RFTN2: variants seen among roughly 807,000 people sequenced by gnomAD.
RFTN2 encodes raftlin-2.
A neutral mutation model predicts 52.7 loss-of-function variants in RFTN2; 34 were observed. That is an observed-to-expected ratio of 0.64 (90% CI 0.49 to 0.86). RFTN2 has a LOEUF of 0.86. Ranked by LOEUF, RFTN2 falls within the 40% of genes least tolerant of loss-of-function variation. The pLI, the probability that RFTN2 is intolerant of heterozygous loss-of-function variation, is 0.00. For synonymous variants in RFTN2, 203 were observed against 217.7 expected (o/e 0.93, Z 0.59); for missense variants, 536 against 600.1 (o/e 0.89, Z 1.12).
At chr2:197,635,294 T>A (rs1220489743) in intron 3 of RFTN2, among the ~76,000 whole-genome samples, 1 of 148,562 alleles carries the variant, frequency 6.7e-6, no homozygotes, top group Admixed American at 6.6e-5. Flanking sequence ...TAGTTCTAGA[T>A]CCCTGAGGAG....
At chr2:197,622,737 G>A (rs1046622964) in intron 5 of RFTN2, among the ~76,000 whole-genome samples, 1 of 152,188 alleles carries the variant, frequency 6.6e-6, no homozygotes, top group Non-Finnish European at 1.5e-5. Context: ...TCTCTTGTTA[G>A]GGACTAATGC....
chr2:197,600,316 A>C (rs1054126434), intron 7 of RFTN2, among the ~76,000 whole-genome samples: 1 of 152,168 alleles, frequency 6.6e-6, no homozygotes, highest in Non-Finnish European at 1.5e-5. Flanking sequence ...CAGATGCTCA[A>C]ATAAGACTTT....
rs149774158 is a variant in RFTN2, at chr2:197,571,584, G to GA, written c.*423dup. 4.2e-4 allele frequency: 54 copies of GA among 129,210 alleles called. No homozygotes were observed. Among genetic ancestry groups the GA allele is most frequent in the East Asian group, 1.3e-3 (7 of 5,250 alleles). The allele number at this position is 129,210 out of a possible 1,614,324, so 8.0% of individuals were successfully genotyped here. A position where few individuals can be genotyped will look rare whatever the true frequency, so the allele number is the denominator to read the frequency against. ...GCTGTGTGTGTGTATGAGAGAGAGA[G>GA]AAAAAAAAAGAGAGAGAGAGGTTAT... On this transcript the variant is annotated 3_prime_UTR_variant, in exon 9 of 9. Coordinates refer to ENST00000295049, the MANE Select transcript of RFTN2 (RefSeq NM_144629.3).
intron 1 of RFTN2, among the ~76,000 whole-genome samples, chr2:197,663,760 C>CT (rs905236791): frequency 1.1e-4 from 17 of 151,846 alleles, no homozygotes; most frequent in African/African-American, 2.4e-4. Flanking sequence ...GAAGAAGCTG[C>CT]TTTTTTTATT....
Position 197,646,553 on chromosome 2 carries a change from G to A in RFTN2, c.253C>T (p.Pro85Ser), listed in dbSNP as rs756531586. Residue 85 changes from proline (P) to serine (S), a missense_variant, in exon 2 of 9, where the codon CCT (proline) becomes TCT (serine). Pro to Ser is a moderately conservative substitution (Grantham distance 74). Coordinates refer to ENST00000295049, the MANE Select transcript of RFTN2 (RefSeq NM_144629.3). ...IVGAIHPVIQ[P>S]VGQRKHLPAS... Reference sequence around the variant, plus strand: ...GGTAGGTGTTTTCGCTGCCCCACAGGTTGTATAACAGGATGAATAGCCCCG... The same window carrying A: ...GGTAGGTGTTTTCGCTGCCCCACAGATTGTATAACAGGATGAATAGCCCCG... The A allele has an allele frequency of 1.9e-6, 3 of 1,613,778 alleles. No individual in the cohort carries two copies. The African/African-American group carries it at 4.0e-5, about 22-fold the overall frequency.
intron 1 of RFTN2, among the ~76,000 whole-genome samples, chr2:197,651,456 TA>T (rs2088825798): frequency 6.6e-6 from 1 of 151,984 alleles, no homozygotes; most frequent in South Asian, 2.1e-4. Flanking sequence ...CTTTCTCTAC[TA>T]AAAATACAAA....
chr2:197,607,875 T>C (rs2087987428), intron 7 of RFTN2, among the ~76,000 whole-genome samples: 1 of 152,170 alleles, frequency 6.6e-6, no homozygotes, highest in Non-Finnish European at 1.5e-5. Flanking sequence ...TTAACATTTA[T>C]GTTCAGATGA....
At chr2:197,603,495 G>T (rs1194338500) in intron 7 of RFTN2, among the ~76,000 whole-genome samples, 1 of 152,122 alleles carries the variant, frequency 6.6e-6, no homozygotes, top group African/African-American at 2.4e-5. Context: ...TTTAAATTTT[G>T]TATAGAGATG....
intron 2 of RFTN2, 102 bp downstream of exon 2, chr2:197,646,381 C>G (rs1183183820): frequency 2.8e-5 from 24 of 856,250 alleles, no homozygotes; most frequent in Non-Finnish European, 4.2e-5. Context: ...ACTAAAACCC[C>G]CATGTGTCCT....
chr2:197,672,490 C>A (rs1386719350), intron 1 of RFTN2, among the ~76,000 whole-genome samples: 1 of 152,124 alleles, frequency 6.6e-6, no homozygotes, highest in African/African-American at 2.4e-5. Context: ...CAAAAAGCAT[C>A]CTGCAGGAGC....
At position 197,644,145 on chromosome 2, in the gene RFTN2, A is replaced by T; in HGVS notation, c.438+13T>A. 1 of 1,431,972 alleles carries T rather than the reference A, an allele frequency of 7.0e-7. No homozygotes were observed. The highest frequency in any genetic ancestry group is 9.9e-7 in the Non-Finnish European group (1 of 1,014,038). 88.7% of individuals were successfully genotyped at this position (1,431,972 alleles called of 1,614,324 possible). On this transcript the variant is annotated intron_variant, in intron 3 of 8. Transcript: ENST00000295049. Reference sequence around the variant, plus strand: ...TTGTCAATATCCCATGAAAAAGTGCATAAATTTAGTACCTTTTCTATCAGT... The same window carrying T: ...TTGTCAATATCCCATGAAAAAGTGCTTAAATTTAGTACCTTTTCTATCAGT...
At chr2:197,632,366 G>A (rs1277507468) in intron 4 of RFTN2, among the ~76,000 whole-genome samples, 4 of 152,198 alleles carry the variant, frequency 2.6e-5, no homozygotes, top group East Asian at 1.9e-4. Flanking sequence ...TCTAATAACA[G>A]TGAGTTAGTT....
rs113945553 is a variant in RFTN2, at chr2:197,613,330, A to G, written c.1154+2546T>C. On this transcript the variant is annotated intron_variant, in intron 7 of 8. Transcript: ENST00000295049. The stretch of plus-strand genomic sequence containing the variant: ...ATCTTAGTCATAGTGATAATCCACT[A>G]AAGTTGATATTATTGTCCAATTTTT... Among the ~76,000 whole-genome samples, 38 of 152,342 alleles carry G rather than the reference A, an allele frequency of 2.5e-4. 2 individuals are homozygous for G. The highest frequency in any genetic ancestry group is 8.7e-4 in the African/African-American group (36 of 41,582).
chr2:197,601,076 A>C (rs562337942), intron 7 of RFTN2, among the ~76,000 whole-genome samples: 1 of 152,224 alleles, frequency 6.6e-6, no homozygotes, highest in East Asian at 1.9e-4. Context: ...CAGGTCAGCC[A>C]GGGCAGGCTG....
chr2:197,573,739 G>A (rs765582015), intron 8 of RFTN2, among the ~76,000 whole-genome samples: 1 of 152,226 alleles, frequency 6.6e-6, no homozygotes, highest in Non-Finnish European at 1.5e-5. Flanking sequence ...GGAGGCCTAG[G>A]AGGAAAAAAT....
In RFTN2 at chr2:197,617,936, G is replaced by T. The variant is rs1323784581; in HGVS notation, c.929-15C>A. ...CAAATGTTCCCCTGTGAGGAAGAGG[G>T]TACAATTAAGAAGGGTTGTAAATAC... On this transcript the variant is annotated splice_polypyrimidine_tract_variant and intron_variant, in intron 5 of 8. Coordinates refer to ENST00000295049, the MANE Select transcript of RFTN2 (RefSeq NM_144629.3). The T allele has an allele frequency of 1.3e-6, 2 of 1,585,136 alleles. No homozygotes were observed. The highest frequency in any genetic ancestry group is 1.7e-6 in the Non-Finnish European group (2 of 1,164,728).
intron 1 of RFTN2, among the ~76,000 whole-genome samples, chr2:197,657,966 G>A (rs567056479): frequency 6.6e-6 from 1 of 152,018 alleles, no homozygotes; most frequent in Non-Finnish European, 1.5e-5. Flanking sequence ...ACCTTCTTCA[G>A]TTTAGAGATG....
At chr2:197,594,956 C>T (rs192448025) in intron 8 of RFTN2, among the ~76,000 whole-genome samples, 21 of 152,162 alleles carry the variant, frequency 1.4e-4, no homozygotes, top group Non-Finnish European at 1.9e-4. Flanking sequence ...CAGCTTTGCC[C>T]GAAAACATAA....
chr2:197,638,224 G>T (rs2088601858), intron 3 of RFTN2, among the ~76,000 whole-genome samples: 1 of 106,044 alleles, frequency 9.4e-6, no homozygotes, highest in African/African-American at 3.1e-5. Flanking sequence ...TGTTGATTTG[G>T]GGTGGAGAGT....
Sources: gnomAD v4.1 joint callset for allele counts (sites outside exome capture counted in the v4.1 genomes callset) on GRCh38, gnomAD v4.1.1 for gene constraint, MANE v1.5 for transcripts, NCBI Gene and HGNC (gene_info 2026-07-23, HGNC 2026-07-21) for gene names.